MED12L: variants seen among roughly 807,000 people sequenced by gnomAD.
The protein encoded by MED12L is mediator complex subunit 12L, also known as mediator of RNA polymerase II transcription subunit 12-like protein.
A neutral mutation model predicts 281.3 loss-of-function variants in MED12L; 60 were observed. The ratio of observed to expected loss-of-function variants is 0.21; its 90% CI spans 0.17 to 0.26. The LOEUF is 0.26. Ranked by LOEUF, MED12L falls within the 10% of genes least tolerant of loss-of-function variation. The probability of loss-of-function intolerance (pLI) is 1.00; values close to 1 mark genes in which losing one functional copy is unlikely to be tolerated. For synonymous variants in MED12L, 974 were observed against 987.2 expected (o/e 0.99, Z 0.25); for missense variants, 2,146 against 2,680.9 (o/e 0.80, Z 4.41).
chr3:151,117,209 C>T (rs940772595), intron 3 of MED12L, among the ~76,000 whole-genome samples: 2 of 151,434 alleles, frequency 1.3e-5, no homozygotes, highest in African/African-American at 4.9e-5. Context: ...TGTTATAATC[C>T]GTACCTTCAT....
At chr3:151,317,762 T>G (rs1242644948) in intron 16 of MED12L, among the ~76,000 whole-genome samples, 8 of 152,104 alleles carry the variant, frequency 5.3e-5, no homozygotes, top group Non-Finnish European at 1.0e-4. Flanking sequence ...TTTTTCTGAT[T>G]TGTAAATAAT....
At chr3:151,269,322 C>T (rs1315832155) in intron 16 of MED12L, 1 of 157,704 alleles carries the variant, frequency 6.3e-6, no homozygotes, top group African/African-American at 2.4e-5. Context: ...ATCACTAGAA[C>T]CTGGGAGGTG....
At chr3:151,177,277 C>T (rs1722160590) in intron 11 of MED12L, among the ~76,000 whole-genome samples, 1 of 152,098 alleles carries the variant, frequency 6.6e-6, no homozygotes, top group African/African-American at 2.4e-5. Context: ...TAACGGTGAT[C>T]CTCCTTTTAT....
intron 16 of MED12L, chr3:151,198,666 TGTG>T: frequency 6.2e-7 from 1 of 1,614,060 alleles, no homozygotes; most frequent in Non-Finnish European, 8.5e-7. Flanking sequence ...ATTCGGACAA[TGTG>T]GTAAGGAACA....
chr3:151,239,624 AAAT>A (rs1217166343), intron 16 of MED12L, among the ~76,000 whole-genome samples: 1 of 152,198 alleles, frequency 6.6e-6, no homozygotes, highest in Non-Finnish European at 1.5e-5. Context: ...TTAATTTCTA[AAAT>A]AATAAGTATG....
At chr3:151,177,286 A>G (rs1401540331) in intron 11 of MED12L, among the ~76,000 whole-genome samples, 4 of 152,164 alleles carry the variant, frequency 2.6e-5, no homozygotes, top group African/African-American at 4.8e-5. Context: ...TCCTCCTTTT[A>G]TAAGTAATCT....
chr3:151,312,649 G>A (rs1447092551), intron 16 of MED12L, among the ~76,000 whole-genome samples: 2 of 152,182 alleles, frequency 1.3e-5, no homozygotes, highest in East Asian at 3.8e-4. Flanking sequence ...AGCTTGAGAA[G>A]TCTAAGTGTC....
At chr3:151,114,104 C>T (rs2148723386) in intron 2 of MED12L, among the ~76,000 whole-genome samples, 1 of 152,316 alleles carries the variant, frequency 6.6e-6, no homozygotes, top group East Asian at 1.9e-4. Context: ...TTTGGTAGCA[C>T]ATTTGCTTTA....
chr3:151,193,823 C>T, intron 16 of MED12L, 157 bp downstream of exon 16: 1 of 608,808 alleles, frequency 1.6e-6, no homozygotes, highest in Middle Eastern at 4.5e-4. Context: ...TGATCTTAAG[C>T]TTATGTACTG....
At chr3:151,191,107 T>C (rs1723920368) in intron 14 of MED12L, among the ~76,000 whole-genome samples, 176 bp downstream of exon 14, 1 of 152,232 alleles carries the variant, frequency 6.6e-6, no homozygotes, top group Admixed American at 6.5e-5. Context: ...TAGCTTCTTA[T>C]GTCTTCCAGA....
At position 151,156,364 on chromosome 3, in the gene MED12L, A is replaced by G. The variant is rs561419695; in HGVS notation, c.726+34A>G. 1.2e-4 allele frequency: 184 copies of G among 1,545,964 alleles called. No individual in the cohort carries two copies. In the South Asian group the frequency reaches 1.8e-3, roughly 15 times the overall value. ...TTGAAGACATGCAGAGTTGTGTGCA[A>G]TGCTTTTAAGAAGACAGCAAATTCC... On this transcript the variant is annotated intron_variant, in intron 6 of 44. Coordinates refer to ENST00000687756, the MANE Select transcript of MED12L (RefSeq NM_001393769.1).
intron 5 of MED12L, among the ~76,000 whole-genome samples, chr3:151,129,528 A>G (rs1715051547): frequency 6.6e-6 from 1 of 152,130 alleles, no homozygotes; most frequent in Non-Finnish European, 1.5e-5. Context: ...AGGGAATACA[A>G]AAGAAGTGCC....
At chr3:151,338,901 A>ATTGCT (rs2149937690) in intron 16 of MED12L, 1 of 1,561,310 alleles carries the variant, frequency 6.4e-7, no homozygotes, top group Admixed American at 1.7e-5. Flanking sequence ...AGCCTAAGGT[A>ATTGCT]GTTATTATTG....
intron 5 of MED12L, among the ~76,000 whole-genome samples, chr3:151,151,008 C>A (rs984311896): frequency 8.6e-6 from 1 of 116,826 alleles, no homozygotes; most frequent in Non-Finnish European, 1.7e-5. Context: ...GCTTTCTTAT[C>A]ATTTGTATGA....
chr3:151,158,396 G>A (rs867636892), intron 6 of MED12L, among the ~76,000 whole-genome samples: 2 of 151,626 alleles, frequency 1.3e-5, no homozygotes, highest in East Asian at 1.9e-4. Context: ...ATACTCCCCC[G>A]AAATCTAGCC....
chr3:151,319,632 CATCTAGATTTA>C (rs1208270642), intron 16 of MED12L, among the ~76,000 whole-genome samples: 1 of 152,044 alleles, frequency 6.6e-6, no homozygotes, highest in Non-Finnish European at 1.5e-5. Context: ...AACTAGATTT[CATCTAGATTTA>C]TAAATTGTTA....
chr3:151,302,749 C>T (rs572068856), intron 16 of MED12L, among the ~76,000 whole-genome samples: 157 of 152,290 alleles, frequency 1.0e-3, no homozygotes, highest in African/African-American at 3.4e-3. Flanking sequence ...TCTGCTACTT[C>T]TTCAGTACCA....
chr3:151,240,860 C>T (rs1303625048), intron 16 of MED12L, among the ~76,000 whole-genome samples: 2 of 152,166 alleles, frequency 1.3e-5, no homozygotes, highest in Non-Finnish European at 2.9e-5. Context: ...GGATTTGAAG[C>T]CAGATGACTT....
At position 151,433,840 on chromosome 3, in the gene MED12L, T is replaced by C. The variant is rs1719797346; in HGVS notation, c.*1036T>C. ...TTGAATTTAATTATTACTGTCAGTG[T>C]CAGTCTTGGTTGTGTATTGCATATA... On this transcript the variant is annotated 3_prime_UTR_variant, in exon 45 of 45. Transcript: ENST00000687756. 6.5e-6 allele frequency: 1 copy of C among 152,672 alleles called. No homozygotes were observed. Among genetic ancestry groups the C allele is most frequent in the Non-Finnish European group, 1.5e-5 (1 of 68,040 alleles). 9.5% of individuals were successfully genotyped at this position (152,672 alleles called of 1,614,324 possible).
Sources: gnomAD v4.1 joint callset for allele counts (sites outside exome capture counted in the v4.1 genomes callset) on GRCh38, gnomAD v4.1.1 for gene constraint, MANE v1.5 for transcripts, NCBI Gene and HGNC (gene_info 2026-07-23, HGNC 2026-07-21) for gene names.